BRPF3: variants seen among roughly 807,000 people sequenced by gnomAD.
BRPF3 encodes bromodomain and PHD finger-containing protein 3.
BRPF3 carries 18 observed loss-of-function variants against 102.0 expected under a neutral mutation model. The ratio of observed to expected loss-of-function variants is 0.18; its 90% CI spans 0.12 to 0.26. The LOEUF is 0.26. Ranked by LOEUF, BRPF3 falls within the 10% of genes least tolerant of loss-of-function variation. The pLI is 1.00. For missense variants in BRPF3, 1,147 were observed against 1,567.8 expected (o/e 0.73, Z 4.53); for synonymous variants, 570 against 614.2 (o/e 0.93, Z 1.06).
chr6:36,212,602 C>T lies in BRPF3; in HGVS notation c.2482+1042C>T, dbSNP rs1204181885. Among the ~76,000 whole-genome samples, 8 of 150,532 alleles carry T rather than the reference C, an allele frequency of 5.3e-5. No homozygotes were observed. The South Asian group carries it at 6.3e-4, about 12-fold the overall frequency. ...AAAAAAAAAAAAAAAAAAGGTGTAG[C>T]CTCACCTCCCATAGATTCAGTTAGG... is the stretch of plus-strand genomic sequence containing the variant. On this transcript the variant is annotated intron_variant, in intron 7 of 12. Transcript: ENST00000357641.
At chr6:36,217,709 T>A (rs1768378254) in intron 8 of BRPF3, among the ~76,000 whole-genome samples, 1 of 152,216 alleles carries the variant, frequency 6.6e-6, no homozygotes, top group Non-Finnish European at 1.5e-5. Flanking sequence ...TTGCAGTGTC[T>A]GCTCCTTGCC....
At position 36,201,457 on chromosome 6, in the gene BRPF3, A is replaced by G; in HGVS notation, c.1135A>G (p.Lys379Glu). The change falls in exon 2 of 13, where the codon AAG becomes GAG. Residue 379 changes from lysine to glutamate, a missense_variant. This residue lies in a region of BRPF3 where 157 missense variants were observed against 163.6 expected (regional missense o/e 0.96). Coordinates refer to ENST00000357641, the MANE Select transcript of BRPF3 (RefSeq NM_015695.3). This position sits in a 1 kb window ranked among gnomAD's most constrained non-coding sequence, Gnocchi z 5.1. Reference sequence around the variant, plus strand: ...CAATGGCACCATCTTTACAGTGCGCAAGACTGCCTACTGTGAGGCCCACTC... The same window carrying G: ...CAATGGCACCATCTTTACAGTGCGCGAGACTGCCTACTGTGAGGCCCACTC... ...SLNGTIFTVR[K>E]TAYCEAHSPP... 2 of 1,614,206 alleles carry G rather than the reference A, an allele frequency of 1.2e-6. No homozygotes were observed. The highest frequency in any genetic ancestry group is 1.7e-6 in the Non-Finnish European group (2 of 1,180,040).
rs778501794 is a variant in BRPF3 at position 36,214,315 on chromosome 6, G to A, written c.2918G>A (p.Arg973Gln). 8.1e-6 allele frequency: 13 copies of A among 1,613,564 alleles called. No individual in the cohort carries two copies. The highest frequency in any genetic ancestry group is 1.3e-5 in the African/African-American group (1 of 74,944). ...AGCATCGAGGAAGAGCGCCACTCCCGGAAGCGGCCAAGGAGCAGGAGCTGT... is the reference window on the plus strand; with the variant it reads ...AGCATCGAGGAAGAGCGCCACTCCCAGAAGCGGCCAAGGAGCAGGAGCTGT... ...PASIEEERHS[R>Q]KRPRSRSCSE... The change falls in exon 8 of 13, where the codon CGG becomes CAG. Residue 973 changes from arginine (R) to glutamine (Q), a missense_variant. Arg to Gln is a conservative substitution (Grantham distance 43). Transcript: ENST00000357641.
In BRPF3 at chr6:36,214,313, C is replaced by T. The variant is rs1768247711; in HGVS notation, c.2916C>T (p.Ser972=). The change falls in exon 8 of 13, where the codon TCC becomes TCT. Residue 972 remains serine, a synonymous_variant. Coordinates refer to ENST00000357641, the MANE Select transcript of BRPF3 (RefSeq NM_015695.3). ...SPASIEEERH[S]RKRPRSRSCS... ...CCAGCATCGAGGAAGAGCGCCACTCCCGGAAGCGGCCAAGGAGCAGGAGCT... is the reference window on the plus strand; with the variant it reads ...CCAGCATCGAGGAAGAGCGCCACTCTCGGAAGCGGCCAAGGAGCAGGAGCT... 1.2e-6 allele frequency: 2 copies of T among 1,613,650 alleles called. No homozygotes were observed. Among genetic ancestry groups the T allele is most frequent in the Non-Finnish European group, 1.7e-6 (2 of 1,179,974 alleles).
At position 36,232,132 on chromosome 6, in the gene BRPF3, A is replaced by G. The variant is rs1768958326; in HGVS notation, c.*1523A>G. 1 of 152,674 alleles carries G rather than the reference A, an allele frequency of 6.5e-6. No individual in the cohort carries two copies. The highest frequency in any genetic ancestry group is 2.4e-5 in the African/African-American group (1 of 41,470). 9.5% of individuals were successfully genotyped at this position (152,674 alleles called of 1,614,324 possible). On this transcript the variant is annotated 3_prime_UTR_variant, in exon 13 of 13. Transcript: ENST00000357641. ...ATGAGCCAGAGTTTAAAAGGGAACC[A>G]ACAAAACACTATAACTTAAAAGGAT...
chr6:36,213,703 TG>T (rs1172517243), intron 7 of BRPF3, among the ~76,000 whole-genome samples, 176 bp from the exon 8 acceptor site: 1 of 148,520 alleles, frequency 6.7e-6, no homozygotes, highest in Non-Finnish European at 1.5e-5. Flanking sequence ...ATCCTGTCTC[TG>T]AAAAAAAAAA....
chr6:36,222,240 C>A lies in BRPF3; in HGVS notation c.3156C>A (p.Asn1052Lys). 6.5e-7 allele frequency: 1 copy of A among 1,550,030 alleles called. No individual in the cohort carries two copies. The highest frequency in any genetic ancestry group is 2.4e-5 in the East Asian group (1 of 40,936). The change falls in exon 10 of 13, where the codon AAC becomes AAA. Residue 1052 changes from asparagine (N) to lysine (K), a missense_variant. By Grantham distance (94) the Asn-to-Lys change is moderately conservative (BLOSUM62 0). Transcript: ENST00000357641. ...GAGTGCCCTTCCTGGAAGGTGTGAA[C>A]GGAGACTCTGACTACAATGGCTCAG... ...LSRVPFLEGV[N>K]GDSDYNGSGR...
In BRPF3 at chr6:36,201,635, G is replaced by A. The variant is rs372570612; in HGVS notation, c.1313G>A (p.Ser438Asn). Residue 438 changes from serine (S) to asparagine (N), a missense_variant, in exon 2 of 13, where the codon AGT becomes AAT. By Grantham distance (46) the Ser-to-Asn change is conservative. Around this residue, in one of 11 missense-constraint regions of BRPF3, gnomAD observed 157 missense variants for 163.6 expected, o/e 0.96. Coordinates refer to ENST00000357641, the MANE Select transcript of BRPF3 (RefSeq NM_015695.3). This position sits in a 1 kb window ranked among gnomAD's most constrained non-coding sequence, Gnocchi z 5.1. ...EEEQEAQGGV[S>N]GSLKGVPKKS... is the part of the protein sequence containing the mutation. The stretch of plus-strand genomic sequence containing the variant: ...GAGCAGGAAGCTCAAGGCGGGGTGA[G>A]TGGCTCCCTCAAGGGAGTGCCCAAG... The A allele has an allele frequency of 1.4e-5, 23 of 1,614,072 alleles. No homozygotes were observed. Among genetic ancestry groups the A allele is most frequent in the Non-Finnish European group, 1.9e-5 (22 of 1,180,008 alleles).
chr6:36,203,513 A>G (rs1302714011), intron 2 of BRPF3, among the ~76,000 whole-genome samples: 1 of 152,192 alleles, frequency 6.6e-6, no homozygotes, highest in Non-Finnish European at 1.5e-5. Flanking sequence ...TGTGCTTGGC[A>G]TGGACATTGG....
chr6:36,207,189 T>C, intron 3 of BRPF3, 124 bp from the exon 4 acceptor site: 1 of 1,278,922 alleles, frequency 7.8e-7, no homozygotes, highest in Non-Finnish European at 1.1e-6. Context: ...GTGGAAGGGC[T>C]CTTGGAACTG....
In BRPF3 at chr6:36,201,857, G is replaced by C; in HGVS notation, c.1448+87G>C. The stretch of plus-strand genomic sequence containing the variant: ...CTGTGCCAGGCCTTCGCTAAACACA[G>C]TTGGACACTATATCCTCCTCCCCGA... On this transcript the variant is annotated intron_variant, in intron 2 of 12. Transcript: ENST00000357641. The surrounding 1 kb of genome is among the most constrained non-coding windows in gnomAD (Gnocchi z 5.1). 1 of 1,500,306 alleles carries C rather than the reference G, an allele frequency of 6.7e-7. No individual in the cohort carries two copies. The highest frequency in any genetic ancestry group is 8.9e-7 in the Non-Finnish European group (1 of 1,120,932). 92.9% of individuals were successfully genotyped at this position (1,500,306 alleles called of 1,614,324 possible). A position where few individuals can be genotyped will look rare whatever the true frequency, so the allele number is the denominator to read the frequency against.
rs1429995145 is a variant in BRPF3, at chr6:36,210,072, G to A, written c.1867-144G>A. On this transcript the variant is annotated intron_variant, in intron 5 of 12. Coordinates refer to ENST00000357641, the MANE Select transcript of BRPF3 (RefSeq NM_015695.3). This position sits in a 1 kb window ranked among gnomAD's most constrained non-coding sequence, Gnocchi z 4.7. Reference sequence around the variant, plus strand: ...ACTTGCCCTTGATGAGGGGTCAGCAGGCCAGGGTGGGCCAGGACTGTAGGT... The same window carrying A: ...ACTTGCCCTTGATGAGGGGTCAGCAAGCCAGGGTGGGCCAGGACTGTAGGT... 3 of 1,384,714 alleles carry A rather than the reference G, an allele frequency of 2.2e-6. No individual in the cohort carries two copies. Among genetic ancestry groups the A allele is most frequent in the Non-Finnish European group, 3.0e-6 (3 of 996,438 alleles). The allele number at this position is 1,384,714 out of a possible 1,614,324, so 85.8% of individuals were successfully genotyped here.
chr6:36,228,889 A>C lies in BRPF3; in HGVS notation c.3280-13A>C. On this transcript the variant is annotated splice_polypyrimidine_tract_variant and intron_variant, in intron 11 of 12. Coordinates refer to ENST00000357641, the MANE Select transcript of BRPF3 (RefSeq NM_015695.3). ...CTCCCTCACTGAGTGCCCATCTTCTATTCTGCCTCCAGATCATCGATCCCA... is the reference window on the plus strand; with the variant it reads ...CTCCCTCACTGAGTGCCCATCTTCTCTTCTGCCTCCAGATCATCGATCCCA... 2 of 1,613,770 alleles carry C rather than the reference A, an allele frequency of 1.2e-6. No homozygotes were observed. Among genetic ancestry groups the C allele is most frequent in the Non-Finnish European group, 1.7e-6 (2 of 1,179,830 alleles).
At chr6:36,208,009 T>C (rs1461105991) in intron 4 of BRPF3, among the ~76,000 whole-genome samples, 1 of 152,234 alleles carries the variant, frequency 6.6e-6, no homozygotes, top group Non-Finnish European at 1.5e-5. Context: ...ACTACCTGTA[T>C]GACATTAAGC....
intron 9 of BRPF3, among the ~76,000 whole-genome samples, chr6:36,220,737 G>A (rs1768506041): frequency 6.6e-6 from 1 of 152,152 alleles, no homozygotes; most frequent in Non-Finnish European, 1.5e-5. Flanking sequence ...TGTAAACTGG[G>A]TATTTTTTGT....
chr6:36,211,274 C>T lies in BRPF3; in HGVS notation c.2196C>T (p.Ile732=). The change falls in exon 7 of 13, where the codon ATC becomes ATT. Residue 732 remains isoleucine, a synonymous_variant. Transcript: ENST00000357641. ...CCCTGGCAGTGGACAACATCCTCAT[C>T]CCAGAGAACCGGGCCCATTTGTCCC... ...FSWEDVDNIL[I]PENRAHLSPE... The T allele has an allele frequency of 6.2e-7, 1 of 1,613,736 alleles. No homozygotes were observed. Among genetic ancestry groups the T allele is most frequent in the Non-Finnish European group, 8.5e-7 (1 of 1,179,738 alleles).
At position 36,204,378 on chromosome 6, in the gene BRPF3, G is replaced by T. The variant is rs1012923738; in HGVS notation, c.1449-280G>T. ...TTCAGTCCGTACGTGGAACAAGGAA[G>T]TCCAGGACCATAGGAAACGGGACTC... On this transcript the variant is annotated intron_variant, in intron 2 of 12. Coordinates refer to ENST00000357641, the MANE Select transcript of BRPF3 (RefSeq NM_015695.3). 11 of 455,426 alleles carry T rather than the reference G, an allele frequency of 2.4e-5. 2 individuals are homozygous for T. Among genetic ancestry groups the T allele is most frequent in the South Asian group, 2.4e-4 (11 of 46,660 alleles). 28.2% of individuals were successfully genotyped at this position (455,426 alleles called of 1,614,324 possible). A position where few individuals can be genotyped will look rare whatever the true frequency, so the allele number is the denominator to read the frequency against.
chr6:36,196,764 G>A lies in BRPF3; in HGVS notation c.-233G>A, dbSNP rs773364411. 9.9e-4 allele frequency: 152 copies of A among 153,458 alleles called. 1 individual carries two copies. The highest frequency in any genetic ancestry group is 2.1e-3 in the South Asian group (12 of 5,696). 9.5% of individuals were successfully genotyped at this position (153,458 alleles called of 1,614,324 possible). On this transcript the variant is annotated 5_prime_UTR_variant, in exon 1 of 13. Coordinates refer to ENST00000357641, the MANE Select transcript of BRPF3 (RefSeq NM_015695.3). Reference sequence around the variant, plus strand: ...GCTCCGTGGCGGCAGCGGCAGCAGCGGCGGCTCCATTCCCCCTCCTCCCCC... The same window carrying A: ...GCTCCGTGGCGGCAGCGGCAGCAGCAGCGGCTCCATTCCCCCTCCTCCCCC...
chr6:36,201,823 G>T lies in BRPF3; in HGVS notation c.1448+53G>T. On this transcript the variant is annotated intron_variant, in intron 2 of 12. Transcript: ENST00000357641. This position sits in a 1 kb window ranked among gnomAD's most constrained non-coding sequence, Gnocchi z 5.1. ...GGACTCATGGTTTCTTCTTGGGTTG[G>T]TGTTGGCCCTGTGCCAGGCCTTCGC... 6.5e-7 allele frequency: 1 copy of T among 1,532,098 alleles called. No homozygotes were observed. The highest frequency in any genetic ancestry group is 2.3e-5 in the East Asian group (1 of 44,256). The allele number at this position is 1,532,098 out of a possible 1,614,324, so 94.9% of individuals were successfully genotyped here. A position where few individuals can be genotyped will look rare whatever the true frequency, so the allele number is the denominator to read the frequency against.
Sources: gnomAD v4.1 joint callset for allele counts (sites outside exome capture counted in the v4.1 genomes callset) on GRCh38, gnomAD v4.1.1 for gene constraint, gnomAD v4.1.1 regional missense constraint, Gnocchi (gnomAD v3.1) non-coding constraint, MANE v1.5 for transcripts, NCBI Gene and HGNC (gene_info 2026-07-23, HGNC 2026-07-21) for gene names.